The following NAPRT variants were observed in gnomAD, a reference collection of about 807,000 sequenced individuals.
NAPRT encodes FHA-HIT-interacting protein.
Under a neutral mutation model 60.7 loss-of-function variants are expected in NAPRT, and 66 were observed. The ratio of observed to expected loss-of-function variants is 1.09; its 90% CI spans 0.89 to 1.33. The LOEUF (loss-of-function observed/expected upper bound fraction) is 1.33, where lower values mean the gene tolerates loss of function less well. Among genes scored for constraint, NAPRT ranks in the 40% most tolerant of loss-of-function variants. The pLI is 0.00. For missense variants in NAPRT, 818 were observed against 731.5 expected (o/e 1.12, Z -1.36); for synonymous variants, 405 against 335.7 (o/e 1.21, Z -2.26).
At position 143,578,271 on chromosome 8, in the gene NAPRT, C is replaced by G; in HGVS notation, c.48G>C (p.Leu16=). ...DPEARAAARP[L]LTDLYQATMA... The stretch of plus-strand genomic sequence containing the variant: ...TGGTGGCCTGGTAGAGGTCAGTGAG[C>G]AGCGGCCGCGCCGCCGCGCGCGCCT... The change falls in exon 1 of 13, where the codon CTG becomes CTC. Residue 16 remains leucine, a synonymous_variant. Coordinates refer to ENST00000449291, the MANE Select transcript of NAPRT (RefSeq NM_145201.6). The G allele has an allele frequency of 7.0e-7, 1 of 1,421,516 alleles. No homozygotes were observed. Among genetic ancestry groups the G allele is most frequent in the Non-Finnish European group, 9.1e-7 (1 of 1,093,878 alleles). 88.1% of individuals were successfully genotyped at this position (1,421,516 alleles called of 1,614,324 possible).
chr8:143,575,402 G>C lies in NAPRT; in HGVS notation c.1291+21C>G, dbSNP rs767903032. The C allele has an allele frequency of 3.1e-5, 50 of 1,593,874 alleles. No individual in the cohort carries two copies. In the Admixed American group the frequency reaches 5.2e-4, roughly 17 times the overall value. On this transcript the variant is annotated intron_variant, in intron 10 of 12. Coordinates refer to ENST00000449291, the MANE Select transcript of NAPRT (RefSeq NM_145201.6). ...CCTGGTGCTTTGAAGGTGGACAGCA[G>C]GGGGGATGGGAGGGCCTCACCGTCA...
rs1824647533 is a variant in NAPRT, at chr8:143,578,132, A to G, written c.187T>C (p.Cys63Arg). The G allele has an allele frequency of 2.0e-6, 3 of 1,526,328 alleles. No homozygotes were observed. The highest frequency in any genetic ancestry group is 2.6e-6 in the Non-Finnish European group (3 of 1,143,542). 94.5% of individuals were successfully genotyped at this position (1,526,328 alleles called of 1,614,324 possible). The change falls in exon 1 of 13, where the codon TGT (cysteine) becomes CGT (arginine). Residue 63 changes from cysteine to arginine, a missense_variant. Physicochemically the swap from Cys to Arg is radical, Grantham distance 180 (BLOSUM62 -3). Transcript: ENST00000449291. The stretch of plus-strand genomic sequence containing the variant: ...CGGAAGGCGCGCAGGAAGCGCACAC[A>G]GTCGCGCAAGCCGGCGGCCAAGGCG... ...AFALAAGLRD[C>R]VRFLRAFRLR...
In NAPRT at chr8:143,577,700, G is replaced by A. The variant is rs1268787941; in HGVS notation, c.394C>T (p.Gln132Ter). 6.5e-7 allele frequency: 1 copy of A among 1,543,818 alleles called. No individual in the cohort carries two copies. The highest frequency in any genetic ancestry group is 8.7e-7 in the Non-Finnish European group (1 of 1,147,934). ...CAGAGCAGCGGTGTCTCCAGCAGCT[G>A]CACCACCAGGAGCGGCCCGGACACC... ...LQVSGPLLVV[Q>*]LLETPLLCLV... The change falls in exon 3 of 13, where the codon CAG becomes TAG. Residue 132 changes from glutamine to a stop codon, truncating the protein, a stop_gained. Coordinates refer to ENST00000449291, the MANE Select transcript of NAPRT (RefSeq NM_145201.6). LOFTEE classifies it high-confidence loss of function.
chr8:143,574,554 T>G, downstream of NAPRT: 1 of 581,042 alleles, frequency 1.7e-6, no homozygotes, highest in East Asian at 2.9e-5. Flanking sequence ...GGCTTTGTAG[T>G]TCTAGTGTGG....
In NAPRT at chr8:143,577,314, C is replaced by T. The variant is rs1430307609; in HGVS notation, c.523G>A (p.Gly175Ser). Residue 175 changes from glycine (G) to serine (S), a missense_variant, in exon 4 of 13, where the codon GGC (glycine) becomes AGC (serine). Transcript: ENST00000449291. The stretch of plus-strand genomic sequence containing the variant: ...GAGGCTGTCAGGCCCCCATCGGGGC[C>T]CTGAGCCCGCCTCAGGCCCATCTCT... Reference protein sequence around the residue: ...LLEMGLRRAQGPDGGLTASTY... With the variant: ...LLEMGLRRAQSPDGGLTASTY... The T allele has an allele frequency of 6.2e-7, 1 of 1,604,350 alleles. No homozygotes were observed. Among genetic ancestry groups the T allele is most frequent in the Non-Finnish European group, 8.5e-7 (1 of 1,176,668 alleles).
intron 8 of NAPRT, 51 bp from the exon 9 acceptor site, chr8:143,575,753 G>T (rs1388207540): frequency 1.5e-6 from 2 of 1,319,644 alleles, no homozygotes; most frequent in Non-Finnish European, 2.1e-6. Flanking sequence ...GGTGGGGAAG[G>T]GGGTGGCACT....
Position 143,575,646 on chromosome 8 carries a change from C to A in NAPRT, c.1164G>T (p.Gln388His). The stretch of plus-strand genomic sequence containing the variant: ...CCTTATAGACGCCACCCAGGGAAGG[C>A]TGTTGGGGGCAGGTGACCACACTGG... ...IGTSVVTCPQ[Q>H]PSLGGVYKLV... The change falls in exon 9 of 13, where the codon CAG (glutamine) becomes CAT (histidine). Residue 388 changes from glutamine (Q) to histidine (H), a missense_variant. By Grantham distance (24) the Gln-to-His change is conservative. Transcript: ENST00000449291. 6.3e-7 allele frequency: 1 copy of A among 1,595,694 alleles called. No homozygotes were observed. Among genetic ancestry groups the A allele is most frequent in the Non-Finnish European group, 8.5e-7 (1 of 1,171,972 alleles).
chr8:143,573,962 T>G (rs1824241192), downstream of NAPRT: 1 of 152,210 alleles, frequency 6.6e-6, no homozygotes, highest in South Asian at 2.1e-4. Flanking sequence ...CGGTCAGCAT[T>G]CCCCCCACAC....
In NAPRT at chr8:143,577,893, A is replaced by G. The variant is rs201407810; in HGVS notation, c.277T>C (p.Phe93Leu). ...VLPPDTDPAF[F>L]EHLRALDCSE... ...CAGTCGAGGGCCCGAAGGTGCTCGA[A>G]GAACGCAGGATCCGTGTCTGGGGGC... Residue 93 changes from phenylalanine (F) to leucine (L), a missense_variant, in exon 2 of 13, where the codon TTC (phenylalanine) becomes CTC (leucine). Transcript: ENST00000449291. 1.2e-6 allele frequency: 2 copies of G among 1,612,346 alleles called. No homozygotes were observed. The highest frequency in any genetic ancestry group is 4.5e-5 in the East Asian group (2 of 44,864).
rs1824351842 is a variant in NAPRT at position 143,575,286 on chromosome 8, C to A, written c.1351G>T (p.Glu451Ter). 2 of 1,612,664 alleles carry A rather than the reference C, an allele frequency of 1.2e-6. No individual in the cohort carries two copies. The highest frequency in any genetic ancestry group is 2.2e-5 in the East Asian group (1 of 44,884). ...GCCCCTGGAGGCCACACCCTCAGCT[C>A]CTGCCCAGCCTGTGGCACTGGCTCT... Reference protein sequence around the residue: ...AEEPVPQAGQELRVWPPGAQE... With the variant: ...AEEPVPQAGQ Residue 451 changes from glutamate (E) to a stop codon, truncating the protein, a stop_gained, in exon 11 of 13, where the codon GAG becomes TAG. Coordinates refer to ENST00000449291, the MANE Select transcript of NAPRT (RefSeq NM_145201.6). LOFTEE classifies it high-confidence loss of function.
Position 143,578,215 on chromosome 8 carries a change from G to A in NAPRT, c.104C>T (p.Ala35Val). The A allele has an allele frequency of 1.3e-6, 2 of 1,504,614 alleles. No individual in the cohort carries two copies. The highest frequency in any genetic ancestry group is 1.8e-6 in the Non-Finnish European group (2 of 1,131,760). The allele number at this position is 1,504,614 out of a possible 1,614,324, so 93.2% of individuals were successfully genotyped here. A position where few individuals can be genotyped will look rare whatever the true frequency, so the allele number is the denominator to read the frequency against. ...MALGYWRAGRARDAAEFELFF... is the reference protein window; with the variant it reads ...MALGYWRAGRVRDAAEFELFF... ...GAGCTCGAACTCGGCGGCGTCCCGCGCCCGGCCCGCGCGCCAATAGCCCAA... is the reference window on the plus strand; with the variant it reads ...GAGCTCGAACTCGGCGGCGTCCCGCACCCGGCCCGCGCGCCAATAGCCCAA... Residue 35 changes from alanine to valine, a missense_variant, in exon 1 of 13, where the codon GCG becomes GTG. Transcript: ENST00000449291.
Position 143,578,140 on chromosome 8 carries a change from A to G in NAPRT, c.179T>C (p.Leu60Ser). Residue 60 changes from leucine (L) to serine (S), a missense_variant, in exon 1 of 13, where the codon TTG becomes TCG. By Grantham distance (145) the Leu-to-Ser change is moderately radical (BLOSUM62 -2). Coordinates refer to ENST00000449291, the MANE Select transcript of NAPRT (RefSeq NM_145201.6). The part of the protein sequence containing the change: ...FGGAFALAAG[L>S]RDCVRFLRAF... ...GCGCAGGAAGCGCACACAGTCGCGC[A>G]AGCCGGCGGCCAAGGCGAAGGCGCC... 1.3e-6 allele frequency: 2 copies of G among 1,523,760 alleles called. No homozygotes were observed. The highest frequency in any genetic ancestry group is 1.8e-6 in the Non-Finnish European group (2 of 1,141,922). The allele number at this position is 1,523,760 out of a possible 1,614,324, so 94.4% of individuals were successfully genotyped here.
chr8:143,576,955 T>G, intron 5 of NAPRT, 107 bp downstream of exon 5: 1 of 1,503,088 alleles, frequency 6.7e-7, no homozygotes, highest in Non-Finnish European at 9.1e-7. Flanking sequence ...GCCAGCTTCC[T>G]GGGACAGCAC....
In NAPRT at chr8:143,575,049, G is replaced by A. The variant is rs766886882; in HGVS notation, c.1491C>T (p.Ala497=). The A allele has an allele frequency of 5.3e-6, 8 of 1,507,964 alleles. No individual in the cohort carries two copies. In the Admixed American group the frequency reaches 6.3e-5, roughly 12 times the overall value. 93.4% of individuals were successfully genotyped at this position (1,507,964 alleles called of 1,614,324 possible). A position where few individuals can be genotyped will look rare whatever the true frequency, so the allele number is the denominator to read the frequency against. Residue 497 remains alanine (A), a synonymous_variant, in exon 12 of 13, where the codon GCC becomes GCT. Coordinates refer to ENST00000449291, the MANE Select transcript of NAPRT (RefSeq NM_145201.6). ...GGCTGAGTCGGCTCAGGGACAGCTGGGCCAAGGCTCTAGACTCTGCCAGGG... is the reference window on the plus strand; with the variant it reads ...GGCTGAGTCGGCTCAGGGACAGCTGAGCCAAGGCTCTAGACTCTGCCAGGG... ...LPSLAESRAL[A]QLSLSRLSPE...
Position 143,577,455 on chromosome 8 carries a change from G to A in NAPRT, c.438-56C>T, listed in dbSNP as rs921842732. On this transcript the variant is annotated intron_variant, in intron 3 of 12. Transcript: ENST00000449291. The stretch of plus-strand genomic sequence containing the variant: ...GGGTGAGGATCACTAGGCCACCCAA[G>A]ACGGCGGTTACCTGGGGCCTGGAAC... 6 of 1,553,852 alleles carry A rather than the reference G, an allele frequency of 3.9e-6. No individual in the cohort carries two copies. The African/African-American group carries it at 4.1e-5, about 11-fold the overall frequency.
chr8:143,577,012 G>A (rs750744488), intron 5 of NAPRT, 50 bp downstream of exon 5: 1 of 1,583,846 alleles, frequency 6.3e-7, no homozygotes, highest in Non-Finnish European at 8.7e-7. Context: ...GGCAAGGGCT[G>A]GCTTGGGGCC....
At position 143,575,403 on chromosome 8, in the gene NAPRT, G is replaced by T. The variant is rs568011940; in HGVS notation, c.1291+20C>A. ...CTGGTGCTTTGAAGGTGGACAGCAG[G>T]GGGGATGGGAGGGCCTCACCGTCAG... On this transcript the variant is annotated intron_variant, in intron 10 of 12. Coordinates refer to ENST00000449291, the MANE Select transcript of NAPRT (RefSeq NM_145201.6). The T allele has an allele frequency of 3.2e-5, 51 of 1,594,218 alleles. No individual in the cohort carries two copies. The South Asian group carries it at 4.3e-4, about 13-fold the overall frequency.
At chr8:143,577,770 G>A in intron 2 of NAPRT, 31 bp from the exon 3 acceptor site, 1 of 1,568,956 alleles carries the variant, frequency 6.4e-7, no homozygotes, top group Non-Finnish European at 8.6e-7. Context: ...TCCGCGCTCG[G>A]CCCAGCACCC....
At position 143,576,763 on chromosome 8, in the gene NAPRT, G is replaced by T; in HGVS notation, c.764C>A (p.Ala255Asp). 6.2e-7 allele frequency: 1 copy of T among 1,607,444 alleles called. No individual in the cohort carries two copies. ...CTCCTGCACCCCCAGCCCCAGGTGGGCACACACCTGCTCCAGCCACACCTG... is the reference window on the plus strand; with the variant it reads ...CTCCTGCACCCCCAGCCCCAGGTGGTCACACACCTGCTCCAGCCACACCTG... ...KAQVWLEQVCAHLGLGVQEPH... is the reference protein window; with the variant it reads ...KAQVWLEQVCDHLGLGVQEPH... The change falls in exon 6 of 13, where the codon GCC becomes GAC. Residue 255 changes from alanine (A) to aspartate (D), a missense_variant. Physicochemically the swap from Ala to Asp is moderately radical, Grantham distance 126. Coordinates refer to ENST00000449291, the MANE Select transcript of NAPRT (RefSeq NM_145201.6).
Sources: gnomAD v4.1 joint callset for allele counts on GRCh38, gnomAD v4.1.1 for gene constraint, MANE v1.5 for transcripts, NCBI Gene and HGNC (gene_info 2026-07-23, HGNC 2026-07-21) for gene names.